The following LSAMP variants were observed in gnomAD, a reference collection of about 807,000 sequenced individuals.
The protein encoded by LSAMP is limbic system-associated membrane protein.
In LSAMP, 7 loss-of-function variants were observed where a neutral mutation model predicts 38.6. That is an observed-to-expected ratio of 0.18 (90% CI 0.10 to 0.34). The LOEUF is 0.34. LSAMP is among the 10% of genes least tolerant of loss of function. The pLI, the probability that LSAMP is intolerant of heterozygous loss-of-function variation, is 1.00. For synonymous variants in LSAMP, 154 were observed against 166.8 expected (o/e 0.92, Z 0.59); for missense variants, 313 against 420.0 (o/e 0.75, Z 2.23).
At chr3:116,139,974 C>T (rs1709335540) in intron 1 of LSAMP, among the ~76,000 whole-genome samples, 1 of 151,854 alleles carries the variant, frequency 6.6e-6, no homozygotes. Flanking sequence ...TTTTATTAGT[C>T]CAAAATGTTA....
intron 4 of LSAMP, among the ~76,000 whole-genome samples, chr3:115,847,946 T>A (rs1284340885): frequency 1.3e-5 from 2 of 152,228 alleles, no homozygotes; most frequent in African/African-American, 4.8e-5. Context: ...CTGAAGGTAC[T>A]TAGAAAATTA....
intron 2 of LSAMP, among the ~76,000 whole-genome samples, chr3:116,078,720 G>A (rs1414579844): frequency 6.6e-6 from 1 of 151,990 alleles, no homozygotes; most frequent in Non-Finnish European, 1.5e-5. Context: ...CCTATACTTG[G>A]CTCGTGAAAG....
chr3:115,842,128 C>A, intron 5 of LSAMP, 135 bp from the exon 6 acceptor site: 1 of 868,180 alleles, frequency 1.2e-6, no homozygotes. Flanking sequence ...TGCCCAATTC[C>A]TATTTTAACT....
At chr3:116,398,338 A>G (rs2048795714) in intron 1 of LSAMP, among the ~76,000 whole-genome samples, 1 of 152,182 alleles carries the variant, frequency 6.6e-6, no homozygotes, top group African/African-American at 2.4e-5. Flanking sequence ...GGAGAAATGA[A>G]GAGAGACTAA....
intron 1 of LSAMP, among the ~76,000 whole-genome samples, chr3:116,348,697 A>T (rs1272830029): frequency 6.6e-6 from 1 of 152,158 alleles, no homozygotes; most frequent in Non-Finnish European, 1.5e-5. Context: ...CCTCACTAGA[A>T]GCTGCATTCA....
intron 3 of LSAMP, among the ~76,000 whole-genome samples, chr3:116,001,406 G>T (rs1559915088): frequency 1.3e-5 from 2 of 152,174 alleles, no homozygotes; most frequent in East Asian, 1.9e-4. Context: ...TTCCAGAAAA[G>T]CTCAAGCTAA....
At chr3:115,867,024 G>A (rs532943281) in intron 3 of LSAMP, among the ~76,000 whole-genome samples, 16 of 152,086 alleles carry the variant, frequency 1.1e-4, no homozygotes, top group African/African-American at 3.9e-4. Context: ...TAGGGGAAGA[G>A]GGGGGTCATA....
At chr3:116,391,801 G>T (rs1025426535) in intron 1 of LSAMP, among the ~76,000 whole-genome samples, 3 of 152,178 alleles carry the variant, frequency 2.0e-5, no homozygotes, top group Admixed American at 6.5e-5. Flanking sequence ...CAGCAGTGTG[G>T]CCACTGCACT....
chr3:115,810,760 GC>G (rs1933800910), intron 6 of LSAMP, among the ~76,000 whole-genome samples: 1 of 152,148 alleles, frequency 6.6e-6, no homozygotes, highest in South Asian at 2.1e-4. Context: ...ACTCTCTGGG[GC>G]CAGCACTCGT....
At chr3:115,823,396 T>C (rs893434373) in intron 6 of LSAMP, among the ~76,000 whole-genome samples, 2 of 152,244 alleles carry the variant, frequency 1.3e-5, no homozygotes, top group African/African-American at 2.4e-5. Flanking sequence ...TCTGAGAGCA[T>C]GGAAAAATAG....
At chr3:116,115,625 A>C (rs1315352428) in intron 1 of LSAMP, among the ~76,000 whole-genome samples, 1 of 152,184 alleles carries the variant, frequency 6.6e-6, no homozygotes, top group African/African-American at 2.4e-5. Flanking sequence ...GATAGAAATT[A>C]TTTTATGAAT....
chr3:116,440,512 A>T (rs2107888956), intron 1 of LSAMP, among the ~76,000 whole-genome samples: 1 of 152,320 alleles, frequency 6.6e-6, no homozygotes, highest in African/African-American at 2.4e-5. Context: ...ATGTGTGTAT[A>T]AACCCACTTA....
chr3:115,813,980 G>T (rs1933925603), intron 6 of LSAMP, among the ~76,000 whole-genome samples: 1 of 152,112 alleles, frequency 6.6e-6, no homozygotes, highest in Non-Finnish European at 1.5e-5. Flanking sequence ...TTCAAATTTT[G>T]CTATGTCTTT....
intron 2 of LSAMP, among the ~76,000 whole-genome samples, chr3:116,025,764 T>G (rs1940776204): frequency 6.6e-6 from 1 of 152,158 alleles, no homozygotes; most frequent in South Asian, 2.1e-4. Flanking sequence ...CAGCCCAGTA[T>G]TTCTGGGAAA....
At chr3:116,299,758 C>T (rs1203590104) in intron 1 of LSAMP, among the ~76,000 whole-genome samples, 1 of 152,132 alleles carries the variant, frequency 6.6e-6, no homozygotes, top group Non-Finnish European at 1.5e-5. Context: ...AAACCTACAG[C>T]TCAGAAAAGA....
intron 1 of LSAMP, among the ~76,000 whole-genome samples, chr3:116,286,422 A>G (rs2047195209): frequency 6.6e-6 from 1 of 152,178 alleles, no homozygotes; most frequent in Non-Finnish European, 1.5e-5. Flanking sequence ...TGAAGGGTTG[A>G]CTACTCCAGA....
At chr3:116,203,774 C>T (rs1291431754) in intron 1 of LSAMP, among the ~76,000 whole-genome samples, 1 of 152,082 alleles carries the variant, frequency 6.6e-6, no homozygotes, top group East Asian at 1.9e-4. Flanking sequence ...TGTATATGTG[C>T]CACATTTTCT....
At chr3:116,416,703 G>A (rs149443692) in intron 1 of LSAMP, among the ~76,000 whole-genome samples, 13 of 152,102 alleles carry the variant, frequency 8.5e-5, no homozygotes, top group East Asian at 3.9e-4. Flanking sequence ...TTCTGCTCCC[G>A]TACACATGGC....
At chr3:116,042,888 G>T (rs981394446) in intron 2 of LSAMP, among the ~76,000 whole-genome samples, 58 of 152,174 alleles carry the variant, frequency 3.8e-4, no homozygotes, top group African/African-American at 1.4e-3. Flanking sequence ...AAACAACTGT[G>T]TTCCTATTCT....
Sources: allele counts gnomAD v4.1 joint callset (sites outside exome capture counted in the v4.1 genomes callset), GRCh38; gene constraint gnomAD v4.1.1; transcripts MANE v1.5; gene names NCBI Gene and HGNC (gene_info 2026-07-23, HGNC 2026-07-21).